ENOX1: variants seen among roughly 807,000 people sequenced by gnomAD.
The protein encoded by ENOX1 is ecto-NOX disulfide-thiol exchanger 1.
A neutral mutation model predicts 82.5 loss-of-function variants in ENOX1; 42 were observed. The ratio of observed to expected loss-of-function variants is 0.51; its 90% CI spans 0.40 to 0.66. The LOEUF is 0.66. Ranked by LOEUF, ENOX1 falls within the 30% of genes least tolerant of loss-of-function variation. ENOX1 has a pLI of 0.00. For missense variants in ENOX1, 608 were observed against 811.6 expected (o/e 0.75, Z 3.05); for synonymous variants, 271 against 282.2 (o/e 0.96, Z 0.40).
intron 3 of ENOX1, among the ~76,000 whole-genome samples, chr13:43,441,759 A>G (rs1477478509): frequency 6.6e-6 from 1 of 152,046 alleles, no homozygotes; most frequent in Middle Eastern, 3.2e-3. Context: ...CCCAAGAACC[A>G]GTAATAAAAG....
At chr13:43,253,115 G>A (rs1440063289) in intron 14 of ENOX1, among the ~76,000 whole-genome samples, 2 of 152,174 alleles carry the variant, frequency 1.3e-5, no homozygotes, top group African/African-American at 4.8e-5. Flanking sequence ...TTGTGCAACT[G>A]CAAACATACC....
In ENOX1 at chr13:43,269,421, A is replaced by G. The variant is rs2044562574; in HGVS notation, c.1554+49T>C. 2.2e-6 allele frequency: 3 copies of G among 1,391,468 alleles called. No homozygotes were observed. In the African/African-American group the frequency reaches 4.3e-5, roughly 20 times the overall value. The allele number at this position is 1,391,468 out of a possible 1,614,324, so 86.2% of individuals were successfully genotyped here. Reference sequence around the variant, plus strand: ...GGGTGACGCACAAGGGAGGTATGCAATGGGGTGTTTGGACTGATTCATAAA... The same window carrying G: ...GGGTGACGCACAAGGGAGGTATGCAGTGGGGTGTTTGGACTGATTCATAAA... On this transcript the variant is annotated intron_variant, in intron 13 of 16. Transcript: ENST00000690772.
At chr13:43,701,539 G>A (rs901945268) in intron 1 of ENOX1, among the ~76,000 whole-genome samples, 16 of 152,042 alleles carry the variant, frequency 1.1e-4, no homozygotes, top group African/African-American at 3.9e-4. Flanking sequence ...TTAGTATTGT[G>A]TATTTTATTG....
At chr13:43,690,115 A>C (rs2086277227) in intron 1 of ENOX1, among the ~76,000 whole-genome samples, 1 of 152,154 alleles carries the variant, frequency 6.6e-6, no homozygotes, top group African/African-American at 2.4e-5. Flanking sequence ...GTTACCAACT[A>C]ACAGAGTGGT....
intron 1 of ENOX1, among the ~76,000 whole-genome samples, chr13:43,734,320 G>T (rs2089501458): frequency 6.6e-6 from 1 of 152,082 alleles, no homozygotes; most frequent in Non-Finnish European, 1.5e-5. Context: ...TCTTTTACCT[G>T]CAAGCAGGGC....
At chr13:43,654,516 A>G (rs1210806565) in intron 2 of ENOX1, among the ~76,000 whole-genome samples, 1 of 152,162 alleles carries the variant, frequency 6.6e-6, no homozygotes, top group African/African-American at 2.4e-5. Flanking sequence ...GAACTAAAAA[A>G]GTGCTCAGTA....
In ENOX1 at chr13:43,508,102, T is replaced by C. The variant is rs2077236847; in HGVS notation, c.-218-23950A>G. Reference sequence around the variant, plus strand: ...GAATGATTGTTATGGTCTGAACTTGTCCAAAATTTGAAACTCAATCCTCAT... The same window carrying C: ...GAATGATTGTTATGGTCTGAACTTGCCCAAAATTTGAAACTCAATCCTCAT... On this transcript the variant is annotated intron_variant, in intron 2 of 16. Transcript: ENST00000690772. Among the ~76,000 whole-genome samples, 5 of 151,916 alleles carry C rather than the reference T, an allele frequency of 3.3e-5. No individual in the cohort carries two copies. In the South Asian group the frequency reaches 1.0e-3, roughly 31 times the overall value.
rs149312204 is a variant in ENOX1, at chr13:43,479,933, A to AT, written c.-75+4075dup. 2.5e-3 allele frequency among the ~76,000 whole-genome samples: 274 copies of AT among 108,014 alleles called. 1 individual carries two copies. The highest frequency in any genetic ancestry group is 9.3e-3 in the Middle Eastern group (2 of 214). The allele number at this position is 108,014 out of a possible 152,430, so 70.9% of individuals were successfully genotyped here. On this transcript the variant is annotated intron_variant, in intron 3 of 16. Transcript: ENST00000690772. ...ACTAAACATTCTTTTATTTATTTTT[A>AT]TTTTTATTTTTTTTTTTTTGAGACA... is the stretch of plus-strand genomic sequence containing the variant.
intron 2 of ENOX1, among the ~76,000 whole-genome samples, chr13:43,643,214 G>A (rs1263113182): frequency 1.3e-5 from 2 of 152,168 alleles, no homozygotes; most frequent in African/African-American, 4.8e-5. Context: ...GGATGCCAAG[G>A]ACCGAGGGTA....
At chr13:43,665,999 AC>A (rs2084957987) in intron 2 of ENOX1, among the ~76,000 whole-genome samples, 1 of 150,908 alleles carries the variant, frequency 6.6e-6, no homozygotes, top group African/African-American at 2.4e-5. Context: ...TTCCACACAA[AC>A]TTTTTGGTTT....
chr13:43,772,769 AAAG>A (rs1435880702), intron 1 of ENOX1, among the ~76,000 whole-genome samples: 15 of 151,334 alleles, frequency 9.9e-5, no homozygotes, highest in South Asian at 6.2e-4. Context: ...AAAAAAAAAA[AAAG>A]AAGGAAAGAG....
intron 1 of ENOX1, among the ~76,000 whole-genome samples, chr13:43,678,216 C>G (rs1035805470): frequency 2.6e-5 from 4 of 152,144 alleles, no homozygotes; most frequent in African/African-American, 9.7e-5. Flanking sequence ...GATTTGCTAA[C>G]TATAAATGAC....
chr13:43,691,462 A>G (rs934243114), intron 1 of ENOX1, among the ~76,000 whole-genome samples: 6 of 152,068 alleles, frequency 3.9e-5, no homozygotes, highest in African/African-American at 1.4e-4. Context: ...CCTCACAACA[A>G]TTACACCATC....
chr13:43,699,223 G>A (rs963103611), intron 1 of ENOX1, among the ~76,000 whole-genome samples: 28 of 152,182 alleles, frequency 1.8e-4, no homozygotes, highest in African/African-American at 6.5e-4. Context: ...TGACTTGAGG[G>A]AAGAATGCCT....
At chr13:43,352,864 C>T (rs529848722) in intron 8 of ENOX1, among the ~76,000 whole-genome samples, 1 of 152,278 alleles carries the variant, frequency 6.6e-6, no homozygotes, top group South Asian at 2.1e-4. Flanking sequence ...TGGCTATCTC[C>T]CCTGTGACAG....
At chr13:43,567,612 G>C (rs1338809820) in intron 2 of ENOX1, among the ~76,000 whole-genome samples, 4 of 152,230 alleles carry the variant, frequency 2.6e-5, no homozygotes, top group Non-Finnish European at 4.4e-5. Flanking sequence ...ATAGGGGAAA[G>C]AGAATCATAA....
intron 1 of ENOX1, among the ~76,000 whole-genome samples, chr13:43,667,884 C>A (rs534647866): frequency 5.0e-4 from 76 of 152,232 alleles, no homozygotes; most frequent in African/African-American, 1.8e-3. Flanking sequence ...CTAAGAAAGC[C>A]TAAATAAATA....
intron 1 of ENOX1, among the ~76,000 whole-genome samples, chr13:43,688,925 C>G (rs1192852580): frequency 6.6e-6 from 1 of 152,074 alleles, no homozygotes; most frequent in Admixed American, 6.6e-5. Flanking sequence ...TAGTTAGGGT[C>G]ATCTAAAATA....
intron 2 of ENOX1, among the ~76,000 whole-genome samples, chr13:43,556,261 T>C (rs577925915): frequency 6.6e-6 from 1 of 152,230 alleles, no homozygotes; most frequent in African/African-American, 2.4e-5. Context: ...CTAGAACTAA[T>C]TATTTCTCTT....
Sources: gnomAD v4.1 joint callset for allele counts (sites outside exome capture counted in the v4.1 genomes callset) on GRCh38, gnomAD v4.1.1 for gene constraint, MANE v1.5 for transcripts, NCBI Gene and HGNC (gene_info 2026-07-23, HGNC 2026-07-21) for gene names.